Variants in CLEC4F observed in about 807,000 individuals in gnomAD.
The protein encoded by CLEC4F is C-type (calcium dependent, carbohydrate-recognition domain) lectin, superfamily member 13.
In CLEC4F, 45 loss-of-function variants were observed where a neutral mutation model predicts 53.4. The ratio of observed to expected loss-of-function variants is 0.84; its 90% CI spans 0.66 to 1.08. The LOEUF (loss-of-function observed/expected upper bound fraction) is 1.08, where lower values mean the gene tolerates loss of function less well. Among genes scored for constraint, CLEC4F ranks in the 50% least tolerant of loss-of-function variants. The pLI, the probability that CLEC4F is intolerant of heterozygous loss-of-function variation, is 0.00. For missense variants in CLEC4F, 753 were observed against 698.2 expected (o/e 1.08, Z -0.88); for synonymous variants, 245 against 257.5 (o/e 0.95, Z 0.46).
chr2:70,815,178 T>C (rs1198587725), intron 4 of CLEC4F, among the ~76,000 whole-genome samples: 1 of 152,218 alleles, frequency 6.6e-6, no homozygotes, highest in Admixed American at 6.5e-5. Flanking sequence ...CAAAGAGAAC[T>C]GCCTGAAGTT....
At chr2:70,814,319 G>T (rs1676777306) in intron 4 of CLEC4F, among the ~76,000 whole-genome samples, 1 of 152,188 alleles carries the variant, frequency 6.6e-6, no homozygotes, top group Admixed American at 6.5e-5. Flanking sequence ...TGAACCAGAA[G>T]AAGGTACTCC....
rs540670274 is a variant in CLEC4F at position 70,817,018 on chromosome 2, G to A, written c.363C>T (p.Ile121=). 1 of 1,614,164 alleles carries A rather than the reference G, an allele frequency of 6.2e-7. No homozygotes were observed. Among genetic ancestry groups the A allele is most frequent in the African/African-American group, 1.3e-5 (1 of 75,040 alleles). The stretch of plus-strand genomic sequence containing the variant: ...TGTCCACTCTGCACTTCAACATCTG[G>A]ATTTCTACTACCCAGGCACTGGAAT... ...MENSSAWVVE[I]QMLKCRVDNV... The change falls in exon 4 of 7, where the codon ATC becomes ATT. Residue 121 remains isoleucine, a synonymous_variant. Transcript: ENST00000272367.
chr2:70,816,325 C>A lies in CLEC4F; in HGVS notation c.1056G>T (p.Leu352=), dbSNP rs144360819. ...TAQTQKANGR[L]DQTDTQIQVF... is the part of the protein sequence containing the mutation. ...CCTGAATCTGAGTATCTGTCTGGTC[C>A]AGACGGCCATTTGCTTTTTGGGTCT... Residue 352 remains leucine (L), a synonymous_variant, in exon 4 of 7, where the codon CTG becomes CTT. Transcript: ENST00000272367. The A allele has an allele frequency of 3.3e-4, 538 of 1,614,088 alleles. 1 individual carries two copies. Among genetic ancestry groups the A allele is most frequent in the Non-Finnish European group, 6.6e-5 (78 of 1,180,046 alleles).
At chr2:70,814,121 G>T (rs1676765575) in intron 4 of CLEC4F, among the ~76,000 whole-genome samples, 1 of 152,196 alleles carries the variant, frequency 6.6e-6, no homozygotes, top group East Asian at 1.9e-4. Flanking sequence ...AAGCTACTTG[G>T]TATTCTTGGG....
chr2:70,819,777 A>G lies in CLEC4F; in HGVS notation c.176T>C (p.Val59Ala). 6.3e-7 allele frequency: 1 copy of G among 1,585,694 alleles called. No homozygotes were observed. Among genetic ancestry groups the G allele is most frequent in the Non-Finnish European group, 8.6e-7 (1 of 1,167,050 alleles). ...LVFSLVTLFVVVQQQTRPVPK... is the reference protein window; with the variant it reads ...LVFSLVTLFVAVQQQTRPVPK... ...ATTTGGGTCACCTGGGGGCTTACCC[A>G]CTACAAAGAGAGTCACAAGAGAGAA... Residue 59 changes from valine to alanine, a missense_variant and splice_region_variant, in exon 2 of 7, where the codon GTG becomes GCG. Transcript: ENST00000272367.
At chr2:70,823,410 G>A (rs781937715), upstream of CLEC4F, among the ~76,000 whole-genome samples, 1 of 152,192 alleles carries the variant, frequency 6.6e-6, no homozygotes, top group Non-Finnish European at 1.5e-5. Context: ...TGGCTGAAAA[G>A]AAAGGGCTTG....
chr2:70,824,496 C>T (rs1292623723), upstream of CLEC4F, among the ~76,000 whole-genome samples: 1 of 151,648 alleles, frequency 6.6e-6, no homozygotes, highest in African/African-American at 2.4e-5. Flanking sequence ...TTTCTAACAC[C>T]ATTCTCCAAA....
chr2:70,815,445 C>A (rs1413137159), intron 4 of CLEC4F, among the ~76,000 whole-genome samples: 1 of 152,118 alleles, frequency 6.6e-6, no homozygotes, highest in Non-Finnish European at 1.5e-5. Flanking sequence ...CAAGTCTGTA[C>A]TACTAGCCTG....
chr2:70,816,378 T>G lies in CLEC4F; in HGVS notation c.1003A>C (p.Lys335Gln), dbSNP rs781814062. ...GCTGTGACCATTTTCAAATCCCTTTTTAACACGTGAATTTCATCACCAGCT... is the reference window on the plus strand; with the variant it reads ...GCTGTGACCATTTTCAAATCCCTTTGTAACACGTGAATTTCATCACCAGCT... ...ERAGDEIHVL[K>Q]RDLKMVTAQT... Residue 335 changes from lysine (K) to glutamine (Q), a missense_variant, in exon 4 of 7, where the codon AAA (lysine) becomes CAA (glutamine). Transcript: ENST00000272367. The G allele has an allele frequency of 2.5e-6, 4 of 1,613,966 alleles. No individual in the cohort carries two copies. The South Asian group carries it at 3.3e-5, about 13-fold the overall frequency.
intron 3 of CLEC4F, among the ~76,000 whole-genome samples, chr2:70,819,086 T>C (rs1553397139): frequency 1.2e-4 from 19 of 152,096 alleles, no homozygotes; most frequent in Non-Finnish European, 2.8e-4. Flanking sequence ...ACAAGGAAAC[T>C]TTGGGGTGAG....
chr2:70,816,015 C>G lies in CLEC4F; in HGVS notation c.1366G>C (p.Glu456Gln). ...TTACTTTGGGTTCTTTGTAGCTGTTCCTGTGAAGTAATGACCACATGGAGG... is the reference window on the plus strand; with the variant it reads ...TTACTTTGGGTTCTTTGTAGCTGTTGCTGTGAAGTAATGACCACATGGAGG... ...KTLHVVITSQ[E>Q]QLQRTQSQLL... is the part of the protein sequence containing the mutation. The change falls in exon 4 of 7, where the codon GAA becomes CAA. Residue 456 changes from glutamate (E) to glutamine (Q), a missense_variant. By Grantham distance (29) the Glu-to-Gln change is conservative. Coordinates refer to ENST00000272367, the MANE Select transcript of CLEC4F (RefSeq NM_173535.3). 6.2e-7 allele frequency: 1 copy of G among 1,613,654 alleles called. No homozygotes were observed. Among genetic ancestry groups the G allele is most frequent in the Non-Finnish European group, 8.5e-7 (1 of 1,179,780 alleles).
chr2:70,824,762 T>C (rs185341025), upstream of CLEC4F, among the ~76,000 whole-genome samples: 1 of 152,136 alleles, frequency 6.6e-6, no homozygotes, highest in African/African-American at 2.4e-5. Context: ...TATTGGATTA[T>C]AACCCAAAGT....
chr2:70,822,096 G>A (rs1574387554), upstream of CLEC4F, among the ~76,000 whole-genome samples: 1 of 152,074 alleles, frequency 6.6e-6, no homozygotes, highest in Non-Finnish European at 1.5e-5. Context: ...GCAGAAGTGG[G>A]GTCACTACCT....
upstream of CLEC4F, among the ~76,000 whole-genome samples, chr2:70,823,355 T>C (rs782340508): frequency 7.2e-5 from 11 of 152,194 alleles, no homozygotes; most frequent in Non-Finnish European, 1.3e-4. Flanking sequence ...GGATGGAAGC[T>C]GCTGGAGGTG....
chr2:70,810,757 T>G, intron 5 of CLEC4F: 1 of 467,182 alleles, frequency 2.1e-6, no homozygotes, highest in Non-Finnish European at 4.2e-6. Flanking sequence ...ACGTAATTAA[T>G]GTTAATTATG....
rs782681262 is a variant in CLEC4F at position 70,808,956 on chromosome 2, C to T, written c.*315G>A. The T allele has an allele frequency of 3.1e-6, 3 of 964,354 alleles. No individual in the cohort carries two copies. Among genetic ancestry groups the T allele is most frequent in the Admixed American group, 4.2e-5 (2 of 47,790 alleles). The allele number at this position is 964,354 out of a possible 1,614,324, so 59.7% of individuals were successfully genotyped here. On this transcript the variant is annotated 3_prime_UTR_variant, in exon 7 of 7. Coordinates refer to ENST00000272367, the MANE Select transcript of CLEC4F (RefSeq NM_173535.3). ...AGGCCACACCCTGGCCCATGGGCTTCTTGCACACCCACTGATAGGGGGTGT... is the reference window on the plus strand; with the variant it reads ...AGGCCACACCCTGGCCCATGGGCTTTTTGCACACCCACTGATAGGGGGTGT...
At chr2:70,818,665 C>T (rs1443080138) in intron 3 of CLEC4F, among the ~76,000 whole-genome samples, 10 of 151,816 alleles carry the variant, frequency 6.6e-5, no homozygotes, top group African/African-American at 1.9e-4. Context: ...GAGCCGAGAT[C>T]ACGCCACTGC....
At position 70,816,857 on chromosome 2, in the gene CLEC4F, C is replaced by T. The variant is rs781856497; in HGVS notation, c.524G>A (p.Gly175Glu). ...GAGCCTCTGGATCTCAGCATTGGTT[C>T]CCTCCAGGGAACTCCTTAACATCTG... is the stretch of plus-strand genomic sequence containing the variant. ...QTQMLRSSLE[G>E]TNAEIQRLKE... Residue 175 changes from glycine to glutamate, a missense_variant, in exon 4 of 7, where the codon GGA becomes GAA. Physicochemically the swap from Gly to Glu is moderately conservative, Grantham distance 98. Transcript: ENST00000272367. 3.1e-5 allele frequency: 50 copies of T among 1,614,064 alleles called. No homozygotes were observed. Among genetic ancestry groups the T allele is most frequent in the Non-Finnish European group, 4.2e-5 (50 of 1,180,036 alleles).
At chr2:70,818,876 G>A (rs1029466843) in intron 3 of CLEC4F, among the ~76,000 whole-genome samples, 1 of 151,222 alleles carries the variant, frequency 6.6e-6, no homozygotes, top group Non-Finnish European at 1.5e-5. Context: ...AATCTTGTTA[G>A]GAGAATGACA....
Sources: gnomAD v4.1 joint callset for allele counts (sites outside exome capture counted in the v4.1 genomes callset) on GRCh38, gnomAD v4.1.1 for gene constraint, MANE v1.5 for transcripts, NCBI Gene and HGNC (gene_info 2026-07-23, HGNC 2026-07-21) for gene names.